MARK1: variants seen among roughly 807,000 people sequenced by gnomAD.
The protein encoded by MARK1 is serine/threonine-protein kinase MARK1.
In MARK1, 40 loss-of-function variants were observed where a neutral mutation model predicts 96.3. The observed-to-expected ratio is 0.42, with a 90% CI of 0.32 to 0.54. The LOEUF (loss-of-function observed/expected upper bound fraction) is 0.54, where lower values mean the gene tolerates loss of function less well. Ranked by LOEUF, MARK1 falls within the 20% of genes least tolerant of loss-of-function variation. The pLI, the probability that MARK1 is intolerant of heterozygous loss-of-function variation, is 0.16. For synonymous variants in MARK1, 317 were observed against 341.2 expected, an observed-to-expected ratio of 0.93 and a Z score of 0.78; for missense variants, 719 against 984.6, an observed-to-expected ratio of 0.73 and a Z score of 3.61.
chr1:220,566,946 T>C (rs986652631), intron 1 of MARK1, among the ~76,000 whole-genome samples: 2 of 152,170 alleles, frequency 1.3e-5, no homozygotes, highest in Non-Finnish European at 2.9e-5. Flanking sequence ...TTAAATATTT[T>C]TGTTGATAGG....
chr1:220,598,288 GT>G (rs199502183), intron 3 of MARK1, 42 bp from the exon 4 acceptor site: 338 of 514,630 alleles, frequency 6.6e-4, no homozygotes, highest in Admixed American at 1.7e-3. Context: ...CTGCTTGCTT[GT>G]TTTTTTTTAA....
rs1038602768 is a variant in MARK1, at chr1:220,663,021, C to T, written c.*855C>T. 5.2e-5 allele frequency: 8 copies of T among 152,502 alleles called. No homozygotes were observed. The highest frequency in any genetic ancestry group is 3.9e-4 in the Admixed American group (6 of 15,260). 9.4% of individuals were successfully genotyped at this position (152,502 alleles called of 1,614,324 possible). A position where few individuals can be genotyped will look rare whatever the true frequency, so the allele number is the denominator to read the frequency against. ...CGTAGGTTTGCTGCCTTCAGAATAC[C>T]GCAATTTAATTGCGGGAATATAATA... On this transcript the variant is annotated 3_prime_UTR_variant, in exon 18 of 18. Transcript: ENST00000366917.
At chr1:220,586,011 A>ACACACACACACGCGCGCG (rs112968910) in intron 3 of MARK1, among the ~76,000 whole-genome samples, 3 of 148,536 alleles carry the variant, frequency 2.0e-5, no homozygotes, top group Non-Finnish European at 4.4e-5. Flanking sequence ...ACACACACAC[A>ACACACACACACGCGCGCG]CGCGCGCGTG....
intron 1 of MARK1, among the ~76,000 whole-genome samples, chr1:220,531,468 G>A (rs1181230005): frequency 6.6e-6 from 1 of 151,994 alleles, no homozygotes; most frequent in Non-Finnish European, 1.5e-5. Context: ...TTTCGTTGTC[G>A]TTTGCAGTTA....
chr1:220,532,479 C>G (rs1443638964), intron 1 of MARK1, among the ~76,000 whole-genome samples: 1 of 152,138 alleles, frequency 6.6e-6, no homozygotes, highest in Non-Finnish European at 1.5e-5. Context: ...GTAACACCCC[C>G]TTTGAATTTT....
chr1:220,661,451 T>C (rs1558332557), intron 17 of MARK1, among the ~76,000 whole-genome samples: 1 of 152,196 alleles, frequency 6.6e-6, no homozygotes, highest in Admixed American at 6.5e-5. Context: ...AAAATGTATA[T>C]TTACAAATAG....
Position 220,657,852 on chromosome 1 carries a change from A to G in MARK1, c.2033+18A>G, listed in dbSNP as rs772222375. 6.5e-7 allele frequency: 1 copy of G among 1,532,528 alleles called. No individual in the cohort carries two copies. The highest frequency in any genetic ancestry group is 1.3e-5 in the South Asian group (1 of 75,482). 94.9% of individuals were successfully genotyped at this position (1,532,528 alleles called of 1,614,324 possible). A position where few individuals can be genotyped will look rare whatever the true frequency, so the allele number is the denominator to read the frequency against. ...ACCTCAAGGTGAGGAGCCACTATTA[A>G]TACTTCGCTGCTAGGTCCCTGTGTA... On this transcript the variant is annotated intron_variant, in intron 17 of 17. Coordinates refer to ENST00000366917, the MANE Select transcript of MARK1 (RefSeq NM_018650.5).
At chr1:220,658,352 T>C (rs535772533) in intron 17 of MARK1, among the ~76,000 whole-genome samples, 1 of 152,342 alleles carries the variant, frequency 6.6e-6, no homozygotes, top group Middle Eastern at 3.4e-3. Flanking sequence ...GGTTTCATAC[T>C]TGAGCACAAT....
At chr1:220,585,073 T>A (rs1033965803) in intron 3 of MARK1, among the ~76,000 whole-genome samples, 6 of 152,202 alleles carry the variant, frequency 3.9e-5, no homozygotes, top group Non-Finnish European at 7.3e-5. Context: ...GCATAAGTTA[T>A]CTTTTAACCA....
At position 220,610,386 on chromosome 1, in the gene MARK1, G is replaced by A. The variant is rs1432607112; in HGVS notation, c.496-5553G>A. Among the ~76,000 whole-genome samples the A allele has an allele frequency of 1.5e-4, 23 of 152,060 alleles. 1 individual carries two copies. Among genetic ancestry groups the A allele is most frequent in the Admixed American group, 1.2e-3 (18 of 15,262 alleles). On this transcript the variant is annotated intron_variant, in intron 6 of 17. Coordinates refer to ENST00000366917, the MANE Select transcript of MARK1 (RefSeq NM_018650.5). Reference sequence around the variant, plus strand: ...TGCATCACGAAGTTCTCGCACCATGGTTTTCAGCTCCATCAGGTCATTTAA... The same window carrying A: ...TGCATCACGAAGTTCTCGCACCATGATTTTCAGCTCCATCAGGTCATTTAA...
chr1:220,647,146 A>G (rs547303186), intron 13 of MARK1, among the ~76,000 whole-genome samples: 1 of 152,318 alleles, frequency 6.6e-6, no homozygotes, highest in South Asian at 2.1e-4. Context: ...AATTTTTGCA[A>G]TCTATCCATC....
chr1:220,662,023 C>CA lies in MARK1; in HGVS notation c.2246dup (p.Asp750GlyfsTer2). ...TTTCTGTGTCCATGGAGACGCTAGA[C>CA]AGGATAGCCTCGTGCAGTGGGAGAT... On this transcript the variant is annotated frameshift_variant, in exon 18 of 18. Transcript: ENST00000366917. LOFTEE classifies it high-confidence loss of function. The CA allele has an allele frequency of 6.2e-7, 1 of 1,614,208 alleles. No homozygotes were observed. The highest frequency in any genetic ancestry group is 8.5e-7 in the Non-Finnish European group (1 of 1,180,044).
At chr1:220,627,693 G>A (rs1336724945) in intron 9 of MARK1, 3 of 166,784 alleles carry the variant, frequency 1.8e-5, no homozygotes, top group Admixed American at 6.2e-5. Context: ...ACCATAAAGA[G>A]TACCAGGTTT....
chr1:220,546,583 G>T (rs1572056346), intron 1 of MARK1, among the ~76,000 whole-genome samples: 1 of 152,158 alleles, frequency 6.6e-6, no homozygotes, highest in Non-Finnish European at 1.5e-5. Context: ...CTCTGTTCTG[G>T]GTTAGATTTA....
chr1:220,653,447 G>C, intron 16 of MARK1, 95 bp downstream of exon 16: 1 of 1,330,362 alleles, frequency 7.5e-7, no homozygotes, highest in East Asian at 2.5e-5. Flanking sequence ...TTTCTAAAAT[G>C]GTTTCATAAC....
chr1:220,598,555 A>G (rs925090087), intron 4 of MARK1, among the ~76,000 whole-genome samples, 176 bp downstream of exon 4: 3 of 151,746 alleles, frequency 2.0e-5, no homozygotes, highest in East Asian at 1.9e-4. Context: ...AAAATAGATT[A>G]CAAAGAAGCT....
In MARK1 at chr1:220,653,304, G is replaced by A. The variant is rs1165050058; in HGVS notation, c.1940G>A (p.Gly647Glu). The A allele has an allele frequency of 6.2e-7, 1 of 1,614,112 alleles. No individual in the cohort carries two copies. Among genetic ancestry groups the A allele is most frequent in the African/African-American group, 1.3e-5 (1 of 74,942 alleles). ...ETGAFAHARR[G>E]TSTGIISKIT... ...GGTGCATTTGCACATGCCAGAAGGG[G>A]AACGTCAACTGGTATAATAAGCAAA... The change falls in exon 16 of 18, where the codon GGA becomes GAA. Residue 647 changes from glycine (G) to glutamate (E), a missense_variant. Physicochemically the swap from Gly to Glu is moderately conservative, Grantham distance 98. Coordinates refer to ENST00000366917, the MANE Select transcript of MARK1 (RefSeq NM_018650.5).
At chr1:220,611,958 C>T (rs1324617996) in intron 6 of MARK1, among the ~76,000 whole-genome samples, 7 of 152,112 alleles carry the variant, frequency 4.6e-5, no homozygotes, top group Admixed American at 2.0e-4. Flanking sequence ...GTCTTGAACT[C>T]CTGACCTCAG....
chr1:220,636,681 G>A lies in MARK1; in HGVS notation c.1470+655G>A, dbSNP rs550773053. ...GAAGCCAGAAAGAAAACCTATTCCT[G>A]GACTCTTAAAATAGAATTTATAGAT... On this transcript the variant is annotated intron_variant, in intron 13 of 17. Transcript: ENST00000366917. Among the ~76,000 whole-genome samples, 125 of 151,864 alleles carry A rather than the reference G, an allele frequency of 8.2e-4. 1 individual carries two copies. The highest frequency in any genetic ancestry group is 2.8e-3 in the African/African-American group (115 of 41,442).
Sources: gnomAD v4.1 joint callset for allele counts (sites outside exome capture counted in the v4.1 genomes callset) on GRCh38, gnomAD v4.1.1 for gene constraint, MANE v1.5 for transcripts, NCBI Gene and HGNC (gene_info 2026-07-23, HGNC 2026-07-21) for gene names.